Variants in ZFAT observed in about 807,000 individuals in gnomAD.
ZFAT encodes the protein zinc finger protein ZFAT.
ZFAT carries 64 observed loss-of-function variants against 117.7 expected under a neutral mutation model. The observed-to-expected ratio is 0.54, with a 90% confidence interval of 0.44 to 0.67. The LOEUF is 0.67. ZFAT is among the 30% of genes least tolerant of loss of function. The probability of loss-of-function intolerance (pLI) is 0.00; values close to 1 mark genes in which losing one functional copy is unlikely to be tolerated. For missense variants in ZFAT, 1,433 were observed against 1,584.5 expected (o/e 0.90, Z 1.62); for synonymous variants, 679 against 615.0 (o/e 1.10, Z -1.54).
chr8:134,697,443 A>T (rs1833895321), intron 1 of ZFAT, among the ~76,000 whole-genome samples: 1 of 145,486 alleles, frequency 6.9e-6, no homozygotes, highest in Non-Finnish European at 1.5e-5. Context: ...AAGGGGTTTC[A>T]CCAGCCTGGC....
the ZFAT span, among the ~76,000 whole-genome samples, chr8:134,805,923 G>A: frequency 6.6e-6 from 1 of 152,112 alleles, no homozygotes; most frequent in Non-Finnish European, 1.5e-5. Context: ...GCTGCAGTGA[G>A]CTGAGCTCAT....
chr8:134,687,756 A>C (rs1229775210), intron 1 of ZFAT, among the ~76,000 whole-genome samples: 1 of 152,212 alleles, frequency 6.6e-6, no homozygotes, highest in African/African-American at 2.4e-5. Flanking sequence ...TTCCACATCA[A>C]AAGTAAAAGG....
Position 134,478,610 on chromosome 8 carries a change from C to G in ZFAT, c.3604G>C (p.Val1202Leu). ...ACAGTCACCGTCTCAATGCCCTCCA[C>G]GTCGTCGGAGGACACCACCAGGTGG... ...QHHLVVSSDDVEGIETVTVYT... is the reference protein window; with the variant it reads ...QHHLVVSSDDLEGIETVTVYT... The change falls in exon 16 of 16, where the codon GTG (valine) becomes CTG (leucine). Residue 1202 changes from valine to leucine, a missense_variant. Around this residue, in one of 5 missense-constraint regions of ZFAT, gnomAD observed 503 missense variants for 543.4 expected, o/e 0.93. Transcript: ENST00000377838. The surrounding 1 kb of genome is among the most constrained non-coding windows in gnomAD (Gnocchi z 5.2). 1 of 1,588,554 alleles carries G rather than the reference C, an allele frequency of 6.3e-7. No individual in the cohort carries two copies. The highest frequency in any genetic ancestry group is 1.2e-5 in the South Asian group (1 of 86,790).
intron 11 of ZFAT, among the ~76,000 whole-genome samples, chr8:134,562,455 G>A (rs1417933867): frequency 6.6e-6 from 1 of 152,212 alleles, no homozygotes; most frequent in Non-Finnish European, 1.5e-5. Context: ...ATTTGGATGA[G>A]GGGTTGGCAT....
the ZFAT span, chr8:134,796,120 T>G: frequency 2.0e-5 from 3 of 152,232 alleles, no homozygotes; most frequent in Non-Finnish European, 4.4e-5. Flanking sequence ...CTCCTTGTCT[T>G]TCTGGCAGTT....
rs367762722 is a variant in ZFAT at position 134,478,729 on chromosome 8, A to G, written c.3493-8T>C. ...GGGCTCCTCCTCGGTGACCTGCGGG[A>G]GGAGGGCAAGAGAAAGGTCACCCAG... On this transcript the variant is annotated splice_polypyrimidine_tract_variant and splice_region_variant and intron_variant, in intron 15 of 15. Transcript: ENST00000377838. This position sits in a 1 kb window ranked among gnomAD's most constrained non-coding sequence, Gnocchi z 5.2. 1 of 1,549,938 alleles carries G rather than the reference A, an allele frequency of 6.5e-7. No homozygotes were observed.
intron 11 of ZFAT, among the ~76,000 whole-genome samples, chr8:134,545,346 T>C (rs538729929): frequency 2.0e-5 from 3 of 152,256 alleles, no homozygotes; most frequent in South Asian, 4.1e-4. Flanking sequence ...ACTCTGTCTC[T>C]ACCAAAAAAT....
chr8:134,506,888 C>A (rs572882557), intron 15 of ZFAT, among the ~76,000 whole-genome samples: 1 of 152,184 alleles, frequency 6.6e-6, no homozygotes, highest in Non-Finnish European at 1.5e-5. Flanking sequence ...CATTGTTCTG[C>A]GATATACATC....
At chr8:134,499,788 G>C (rs1818828304) in intron 15 of ZFAT, among the ~76,000 whole-genome samples, 1 of 152,218 alleles carries the variant, frequency 6.6e-6, no homozygotes, top group Non-Finnish European at 1.5e-5. Context: ...GGTAAGGCCG[G>C]GGGCCAGAGG....
chr8:134,794,563 C>T, the ZFAT span: 1 of 152,230 alleles, frequency 6.6e-6, no homozygotes, highest in East Asian at 1.9e-4. Context: ...TCTAATGTTA[C>T]TCCTTGATAA....
At chr8:134,768,704 C>T in the ZFAT span, among the ~76,000 whole-genome samples, 4 of 152,302 alleles carry the variant, frequency 2.6e-5, no homozygotes, top group South Asian at 4.1e-4. Context: ...TACCTCCCAC[C>T]AGGTTCCTTC....
intron 1 of ZFAT, among the ~76,000 whole-genome samples, chr8:134,705,401 G>A (rs1034057568): frequency 1.4e-5 from 2 of 147,326 alleles, no homozygotes; most frequent in East Asian, 3.9e-4. Flanking sequence ...GTAGAGCTGG[G>A]ATCTCACTAT....
At chr8:134,564,514 C>T (rs1210733012) in intron 11 of ZFAT, among the ~76,000 whole-genome samples, 2 of 152,222 alleles carry the variant, frequency 1.3e-5, no homozygotes, top group Admixed American at 6.5e-5. Flanking sequence ...TGGGGTGATA[C>T]CAGCTGCAAG....
chr8:134,673,241 C>G (rs901322191), intron 1 of ZFAT: 1 of 152,242 alleles, frequency 6.6e-6, no homozygotes, highest in African/African-American at 2.4e-5. Flanking sequence ...AGCAATGATC[C>G]TCAAGTAAAT....
At position 134,602,589 on chromosome 8, in the gene ZFAT, T is replaced by G; in HGVS notation, c.1130A>C (p.His377Pro). 1 of 1,614,140 alleles carries G rather than the reference T, an allele frequency of 6.2e-7. No individual in the cohort carries two copies. The highest frequency in any genetic ancestry group is 8.5e-7 in the Non-Finnish European group (1 of 1,180,040). ...KNLIKHIRDA[H>P]DPQDKKVKEA... ...TTTGACCTTCTTGTCCTGTGGGTCA[T>G]GCGCGTCTCGGATGTGCTTGATGAG... The change falls in exon 6 of 16, where the codon CAT (histidine) becomes CCT (proline). Residue 377 changes from histidine (H) to proline (P), a missense_variant. Coordinates refer to ENST00000377838, the MANE Select transcript of ZFAT (RefSeq NM_020863.4).
intron 13 of ZFAT, among the ~76,000 whole-genome samples, chr8:134,520,195 T>C (rs1347295024): frequency 6.6e-6 from 1 of 152,106 alleles, no homozygotes; most frequent in East Asian, 1.9e-4. Context: ...GTTGGGGGGA[T>C]GATGCTACTA....
intron 15 of ZFAT, among the ~76,000 whole-genome samples, chr8:134,506,945 C>T (rs575579752): frequency 1.3e-5 from 2 of 152,326 alleles, no homozygotes; most frequent in South Asian, 4.1e-4. Flanking sequence ...TCCGGCAATA[C>T]TGATTTGTAG....
At chr8:134,513,951 G>A (rs1820055078) in intron 13 of ZFAT, among the ~76,000 whole-genome samples, 1 of 152,206 alleles carries the variant, frequency 6.6e-6, no homozygotes, top group African/African-American at 2.4e-5. Flanking sequence ...GTACCATGAG[G>A]CAACAGATTA....
the ZFAT span, among the ~76,000 whole-genome samples, chr8:134,748,996 A>G: frequency 6.6e-6 from 1 of 152,124 alleles, no homozygotes; most frequent in African/African-American, 2.4e-5. Flanking sequence ...AAAGAAAAAA[A>G]AGTGCAGCCT....
Sources: allele counts gnomAD v4.1 joint callset (sites outside exome capture counted in the v4.1 genomes callset), GRCh38; gene constraint gnomAD v4.1.1; regional missense constraint gnomAD v4.1.1; non-coding constraint Gnocchi (gnomAD v3.1); transcripts MANE v1.5; gene names NCBI Gene and HGNC (gene_info 2026-07-23, HGNC 2026-07-21).